The following FSHR variants were observed in gnomAD, a reference collection of about 807,000 sequenced individuals.
FSHR encodes follicle-stimulating hormone receptor.
Under a neutral mutation model 52.1 loss-of-function variants are expected in FSHR, and 46 were observed. The ratio of observed to expected loss-of-function variants is 0.88; its 90% CI spans 0.70 to 1.13. The LOEUF is 1.13. FSHR is among the 50% of genes most tolerant of loss of function. The pLI, the probability that FSHR is intolerant of heterozygous loss-of-function variation, is 0.00. For missense variants in FSHR, 964 were observed against 834.6 expected, an observed-to-expected ratio of 1.16 and a Z score of -1.91; for synonymous variants, 399 against 309.6, an observed-to-expected ratio of 1.29 and a Z score of -3.03.
chr2:49,025,915 T>C (rs902263452), intron 2 of FSHR, among the ~76,000 whole-genome samples: 1 of 152,180 alleles, frequency 6.6e-6, no homozygotes, highest in African/African-American at 2.4e-5. Context: ...ACCACTGAAA[T>C]CATAACCTAA....
chr2:49,088,341 G>A (rs948661157), intron 1 of FSHR, among the ~76,000 whole-genome samples: 2 of 152,192 alleles, frequency 1.3e-5, no homozygotes, highest in Non-Finnish European at 2.9e-5. Context: ...GCAGTCATGC[G>A]AGGTTGTGCT....
intron 6 of FSHR, among the ~76,000 whole-genome samples, chr2:48,985,711 T>G (rs930422899): frequency 7.3e-6 from 1 of 137,862 alleles, no homozygotes; most frequent in Non-Finnish European, 1.6e-5. Flanking sequence ...TTTTTTTTTT[T>G]TTTTTTTTTT....
At chr2:49,032,692 A>G (rs1403143225) in intron 2 of FSHR, among the ~76,000 whole-genome samples, 1 of 152,118 alleles carries the variant, frequency 6.6e-6, no homozygotes. Context: ...AAGTTAGGTG[A>G]TTTACCCAAG....
intron 1 of FSHR, among the ~76,000 whole-genome samples, chr2:49,073,784 A>G (rs1368321253): frequency 6.6e-6 from 1 of 152,168 alleles, no homozygotes; most frequent in African/African-American, 2.4e-5. Flanking sequence ...TCAGACTTCA[A>G]AATATACTAC....
chr2:48,972,240 A>C (rs1448934139), intron 8 of FSHR, among the ~76,000 whole-genome samples: 1 of 152,186 alleles, frequency 6.6e-6, no homozygotes, highest in African/African-American at 2.4e-5. Flanking sequence ...CAAAACTCTC[A>C]GAAAAACTTC....
intron 2 of FSHR, among the ~76,000 whole-genome samples, chr2:49,064,647 C>A (rs572727362): frequency 6.6e-6 from 1 of 152,098 alleles, no homozygotes; most frequent in African/African-American, 2.4e-5. Context: ...ATTGTGGTAG[C>A]TGGAGAAAGA....
At chr2:49,012,319 G>A (rs960472370) in intron 4 of FSHR, among the ~76,000 whole-genome samples, 4 of 151,988 alleles carry the variant, frequency 2.6e-5, no homozygotes, top group African/African-American at 9.7e-5. Context: ...AAGAAATATT[G>A]CCTGTAAATA....
At position 49,081,667 on chromosome 2, in the gene FSHR, T is replaced by G. The variant is rs185073638; in HGVS notation, c.153-13377A>C. 2.1e-3 allele frequency among the ~76,000 whole-genome samples: 315 copies of G among 152,262 alleles called. 1 individual carries two copies. The highest frequency in any genetic ancestry group is 3.4e-3 in the Middle Eastern group (1 of 294). On this transcript the variant is annotated intron_variant, in intron 1 of 9. Transcript: ENST00000406846. The stretch of plus-strand genomic sequence containing the variant: ...TCACCACTATGACACTAAAAAAAAT[T>G]TTTTTGTCACTATACTGCAGGTTAC...
intron 1 of FSHR, among the ~76,000 whole-genome samples, chr2:49,103,920 T>C (rs1245634277): frequency 6.6e-6 from 1 of 151,866 alleles, no homozygotes; most frequent in Non-Finnish European, 1.5e-5. Flanking sequence ...TGCTGCCCCA[T>C]TGGTTTTCCC....
At position 48,963,265 on chromosome 2, in the gene FSHR, G is replaced by T; in HGVS notation, c.1556C>A (p.Pro519His). The change falls in exon 10 of 10, where the codon CCC (proline) becomes CAC (histidine). Residue 519 changes from proline (P) to histidine (H), a missense_variant. Physicochemically the swap from Pro to His is moderately conservative, Grantham distance 77 (BLOSUM62 -2). Transcript: ENST00000406846. ...TGACAAAGGGCTGTCAATATCCATG[G>T]GCAGGCAGATGCTCACCTTCATGTA... is the stretch of plus-strand genomic sequence containing the variant. ...SSYMKVSICL[P>H]MDIDSPLSQL... 6.2e-7 allele frequency: 1 copy of T among 1,614,082 alleles called. No individual in the cohort carries two copies. The highest frequency in any genetic ancestry group is 8.5e-7 in the Non-Finnish European group (1 of 1,180,008).
At chr2:49,041,651 T>C (rs1299009464) in intron 2 of FSHR, among the ~76,000 whole-genome samples, 1 of 152,090 alleles carries the variant, frequency 6.6e-6, no homozygotes, top group Non-Finnish European at 1.5e-5. Context: ...AATTCTGGAA[T>C]TGGAAGGGAA....
chr2:48,998,378 A>G (rs1027046728), intron 4 of FSHR, among the ~76,000 whole-genome samples: 5 of 152,140 alleles, frequency 3.3e-5, no homozygotes, highest in Non-Finnish European at 5.9e-5. Context: ...GTATGTCATT[A>G]TATATGAAAA....
chr2:49,025,341 G>C (rs1048128551), intron 2 of FSHR, among the ~76,000 whole-genome samples: 1 of 152,198 alleles, frequency 6.6e-6, no homozygotes, highest in Admixed American at 6.5e-5. Context: ...CTCAGTGAGA[G>C]TAGTATTCTA....
chr2:49,087,803 G>C (rs573426183), intron 1 of FSHR, among the ~76,000 whole-genome samples: 50 of 152,230 alleles, frequency 3.3e-4, no homozygotes, highest in African/African-American at 8.9e-4. Flanking sequence ...GAACATCTAC[G>C]TGACACACAT....
chr2:49,135,791 A>T (rs1672468791), intron 1 of FSHR, among the ~76,000 whole-genome samples: 1 of 152,204 alleles, frequency 6.6e-6, no homozygotes, highest in African/African-American at 2.4e-5. Flanking sequence ...GTATTCTTAC[A>T]ATAAAGTAAG....
At chr2:49,009,250 GC>G (rs1454920857) in intron 4 of FSHR, among the ~76,000 whole-genome samples, 1 of 80,418 alleles carries the variant, frequency 1.2e-5, no homozygotes, top group Non-Finnish European at 3.6e-5. Context: ...CATATGGCTA[GC>G]CAGTTTTCCC....
chr2:49,108,095 A>G (rs901566087), intron 1 of FSHR, among the ~76,000 whole-genome samples: 28 of 152,134 alleles, frequency 1.8e-4, no homozygotes. Context: ...TAATCTGTCG[A>G]GGTCCTGAAT....
At chr2:49,036,044 A>G (rs1389007638) in intron 2 of FSHR, among the ~76,000 whole-genome samples, 1 of 152,214 alleles carries the variant, frequency 6.6e-6, no homozygotes, top group Non-Finnish European at 1.5e-5. Flanking sequence ...CGATACATGG[A>G]TAGGTAGATA....
intron 4 of FSHR, among the ~76,000 whole-genome samples, chr2:48,991,476 A>G: frequency 6.6e-6 from 1 of 151,796 alleles, no homozygotes; most frequent in East Asian, 1.9e-4. Context: ...GTGTCTGTAG[A>G]CTCCCCTTTC....
Sources: gnomAD v4.1 joint callset for allele counts (sites outside exome capture counted in the v4.1 genomes callset) on GRCh38, gnomAD v4.1.1 for gene constraint, MANE v1.5 for transcripts, NCBI Gene and HGNC (gene_info 2026-07-23, HGNC 2026-07-21) for gene names.